Variants in GRAMD1A observed in about 807,000 individuals in gnomAD.
GRAMD1A encodes GRAM domain containing 1A, also known as protein Aster-A.
GRAMD1A carries 50 observed loss-of-function variants against 92.0 expected under a neutral mutation model. The observed-to-expected ratio is 0.54, with a 90% CI of 0.43 to 0.69. The LOEUF (loss-of-function observed/expected upper bound fraction) is 0.69. Ranked by LOEUF, GRAMD1A falls within the 30% of genes least tolerant of loss-of-function variation. GRAMD1A has a pLI of 0.00. For synonymous variants in GRAMD1A, 405 were observed against 403.6 expected (o/e 1.00, Z -0.04); for missense variants, 819 against 978.9 (o/e 0.84, Z 2.18).
At chr19:35,001,757 G>A (rs1176473424) in intron 1 of GRAMD1A, among the ~76,000 whole-genome samples, 1 of 152,126 alleles carries the variant, frequency 6.6e-6, no homozygotes, top group Non-Finnish European at 1.5e-5. Flanking sequence ...ACAGGCGTGT[G>A]CCACCACGCC....
intron 16 of GRAMD1A, 36 bp from the exon 17 acceptor site, chr19:35,022,864 T>C: frequency 1.2e-6 from 2 of 1,600,152 alleles, no homozygotes; most frequent in Non-Finnish European, 1.7e-6. Context: ...CAGGCGGCGC[T>C]CATCTCTCTG....
chr19:35,017,200 C>A lies in GRAMD1A; in HGVS notation c.1213+1233C>A, dbSNP rs190973814. Reference sequence around the variant, plus strand: ...AAAAAAAAATGCTCCTGAGGCCTCCCCAGAAGCCGAGCAGATGTCGGCATC... The same window carrying A: ...AAAAAAAAATGCTCCTGAGGCCTCCACAGAAGCCGAGCAGATGTCGGCATC... On this transcript the variant is annotated intron_variant, in intron 11 of 19. Transcript: ENST00000317991. Among the ~76,000 whole-genome samples the A allele has an allele frequency of 1.9e-3, 282 of 152,024 alleles. 2 individuals are homozygous for A. The highest frequency in any genetic ancestry group is 0.017 in the Middle Eastern group (5 of 294).
At chr19:35,019,743 C>T (rs2015913078) in intron 13 of GRAMD1A, among the ~76,000 whole-genome samples, 1 of 152,126 alleles carries the variant, frequency 6.6e-6, no homozygotes, top group Non-Finnish European at 1.5e-5. Context: ...GTTTGAGCCT[C>T]AAGACTCTGA....
chr19:35,010,080 C>T lies in GRAMD1A; in HGVS notation c.326-12C>T, dbSNP rs772467664. ...ACTTGGGTGTCCTCCTGTCTCTCCC[C>T]GCCCCTCTCAGATTACTCCTGCGCC... On this transcript the variant is annotated splice_polypyrimidine_tract_variant and intron_variant, in intron 4 of 19. Coordinates refer to ENST00000317991, the MANE Select transcript of GRAMD1A (RefSeq NM_020895.5). 5.8e-5 allele frequency: 92 copies of T among 1,585,748 alleles called. No homozygotes were observed. The highest frequency in any genetic ancestry group is 1.3e-4 in the South Asian group (12 of 90,524).
In GRAMD1A at chr19:35,013,531, T is replaced by C. The variant is rs1568327953; in HGVS notation, c.720-10T>C. The C allele has an allele frequency of 6.3e-7, 1 of 1,595,842 alleles. No individual in the cohort carries two copies. The highest frequency in any genetic ancestry group is 1.7e-5 in the Admixed American group (1 of 59,162). Reference sequence around the variant, plus strand: ...GACACAGCAGTCCCGCTTCCTCCCCTTTCCCACAGGACCCCCAAGGAAGTG... The same window carrying C: ...GACACAGCAGTCCCGCTTCCTCCCCCTTCCCACAGGACCCCCAAGGAAGTG... On this transcript the variant is annotated splice_polypyrimidine_tract_variant and intron_variant, in intron 8 of 19. Coordinates refer to ENST00000317991, the MANE Select transcript of GRAMD1A (RefSeq NM_020895.5). The surrounding 1 kb of genome is among the most constrained non-coding windows in gnomAD (Gnocchi z 4.9).
upstream of GRAMD1A, among the ~76,000 whole-genome samples, chr19:34,995,543 C>T (rs567879956): frequency 6.1e-5 from 9 of 148,562 alleles, no homozygotes; most frequent in South Asian, 1.9e-3. Flanking sequence ...GTAATCCCAC[C>T]CAGATCTCTC....
intron 1 of GRAMD1A, 45 bp from the exon 2 acceptor site, chr19:35,009,074 C>A: frequency 7.6e-7 from 1 of 1,319,214 alleles, no homozygotes; most frequent in South Asian, 1.2e-5. Flanking sequence ...CGAATCCCAG[C>A]CTGTTTTTTC....
intron 1 of GRAMD1A, among the ~76,000 whole-genome samples, chr19:35,003,300 C>T (rs897668723): frequency 5.3e-5 from 8 of 152,098 alleles, no homozygotes; most frequent in African/African-American, 1.4e-4. Flanking sequence ...TGGATGCATC[C>T]GCCCTTTTCT....
At chr19:34,995,571 GT>G (rs59556577), upstream of GRAMD1A, among the ~76,000 whole-genome samples, 9,545 of 92,720 alleles carry the variant, frequency 0.1, 423 homozygotes, top group East Asian at 0.17. Flanking sequence ...CAGATCACGG[GT>G]TTTTTTTTTT....
chr19:34,996,097 C>G (rs1028263625), upstream of GRAMD1A: 6 of 1,535,866 alleles, frequency 3.9e-6, no homozygotes, highest in Non-Finnish European at 5.2e-6. Flanking sequence ...CGCCTGACCT[C>G]CCAGCAGGGC....
At chr19:34,995,574 T>TTC (rs2013996598), upstream of GRAMD1A, among the ~76,000 whole-genome samples, 1 of 127,658 alleles carries the variant, frequency 7.8e-6, no homozygotes, top group Non-Finnish European at 1.6e-5. Flanking sequence ...ATCACGGGTT[T>TTC]TTTTTTTTTT....
At chr19:34,998,226 A>C (rs956701195), upstream of GRAMD1A, 1 of 151,876 alleles carries the variant, frequency 6.6e-6, no homozygotes, top group African/African-American at 2.4e-5. Flanking sequence ...AAGGACCTGA[A>C]GCAAAATGGC....
At chr19:34,996,352 T>C, upstream of GRAMD1A, 1 of 1,346,916 alleles carries the variant, frequency 7.4e-7, no homozygotes, top group South Asian at 1.5e-5. Context: ...GTTCTCTCTG[T>C]CAAGGGTGGG....
At chr19:35,022,845 G>A in intron 16 of GRAMD1A, 55 bp from the exon 17 acceptor site, 2 of 1,578,042 alleles carry the variant, frequency 1.3e-6, no homozygotes, top group Non-Finnish European at 8.6e-7. Context: ...GGGGGTGTCG[G>A]GGGCAGGCCA....
chr19:35,017,775 TCCCAGATACC>T (rs958744712), intron 11 of GRAMD1A, among the ~76,000 whole-genome samples: 2 of 152,198 alleles, frequency 1.3e-5, no homozygotes, highest in East Asian at 1.9e-4. Flanking sequence ...CTTCCTCAGA[TCCCAGATACC>T]CCCAGATACT....
At position 35,011,442 on chromosome 19, in the gene GRAMD1A, C is replaced by G. The variant is rs201052659; in HGVS notation, c.526-32C>G. The G allele has an allele frequency of 2.6e-4, 409 of 1,547,486 alleles. 2 individuals are homozygous for G. The African/African-American group carries it at 5.0e-3, about 19-fold the overall frequency. ...TCTGTCCTGGTCGCTCCCCAACCTGCTCACACCTCTCTCTCTCTCTCTCCC... is the reference window on the plus strand; with the variant it reads ...TCTGTCCTGGTCGCTCCCCAACCTGGTCACACCTCTCTCTCTCTCTCTCCC... On this transcript the variant is annotated intron_variant, in intron 6 of 19. Transcript: ENST00000317991.
upstream of GRAMD1A, chr19:34,996,417 A>C: frequency 1.4e-6 from 1 of 703,544 alleles, no homozygotes; most frequent in Non-Finnish European, 2.3e-6. Context: ...GGCTGACTCA[A>C]AGCCACGAAA....
At chr19:35,010,250 A>C (rs1330853276) in intron 5 of GRAMD1A, 34 bp from the exon 6 acceptor site, 2 of 1,584,692 alleles carry the variant, frequency 1.3e-6, no homozygotes, top group East Asian at 4.5e-5. Context: ...GCCAGGCCCC[A>C]CCCCGCTCCT....
intron 4 of GRAMD1A, 27 bp from the exon 5 acceptor site, chr19:35,010,065 C>G: frequency 6.5e-7 from 1 of 1,527,694 alleles, no homozygotes. Flanking sequence ...ACTTGGGTGT[C>G]CTCCTGTCTC....
Sources: allele counts gnomAD v4.1 joint callset (sites outside exome capture counted in the v4.1 genomes callset), GRCh38; gene constraint gnomAD v4.1.1; non-coding constraint Gnocchi (gnomAD v3.1); transcripts MANE v1.5; gene names NCBI Gene and HGNC (gene_info 2026-07-23, HGNC 2026-07-21).